Variants in C12orf76 observed in about 807,000 individuals in gnomAD.
C12orf76 encodes uncharacterized protein C12orf76.
In C12orf76, 6 loss-of-function variants were observed where a neutral mutation model predicts 6.8. The observed-to-expected ratio is 0.88, with a 90% CI of 0.48 to 1.73. The LOEUF (loss-of-function observed/expected upper bound fraction) is 1.73. Among genes scored for constraint, C12orf76 ranks in the 40% most tolerant of loss-of-function variants. The pLI is 0.01. For synonymous variants in C12orf76, 56 were observed against 43.7 expected, an observed-to-expected ratio of 1.28 and a Z score of -1.11; for missense variants, 99 against 98.2, an observed-to-expected ratio of 1.01 and a Z score of -0.03.
chr12:110,073,532 G>C, exon 1 of C12orf76: 1 of 518,318 alleles, frequency 1.9e-6, no homozygotes, highest in South Asian at 1.4e-5. Flanking sequence ...TGCAGCTGCA[G>C]CAGGCTGGCA....
chr12:110,070,665 C>G (rs1428653127), upstream of C12orf76, among the ~76,000 whole-genome samples: 1 of 152,130 alleles, frequency 6.6e-6, no homozygotes, highest in Non-Finnish European at 1.5e-5. Flanking sequence ...ACATGTAATC[C>G]CTGTATTAAT....
rs749174511 is a variant in C12orf76, at chr12:110,042,354, T to C, written c.*20A>G. 1.3e-5 allele frequency: 21 copies of C among 1,606,444 alleles called. No homozygotes were observed. Among genetic ancestry groups the C allele is most frequent in the South Asian group, 9.9e-5 (9 of 90,902 alleles). The stretch of plus-strand genomic sequence containing the variant: ...AACTTATCCTATTCCCAAATACTCA[T>C]TGAAGAACTTGTCTGGCTGTCACCG... On this transcript the variant is annotated 3_prime_UTR_variant, in exon 2 of 2. Transcript: ENST00000615315.
At chr12:110,068,329 A>AAGAAGAAGAAGG (rs1157443112), upstream of C12orf76, among the ~76,000 whole-genome samples, 53 of 127,194 alleles carry the variant, frequency 4.2e-4, no homozygotes, top group African/African-American at 1.3e-3. Flanking sequence ...GAAGAAGAAG[A>AAGAAGAAGAAGG]AGGCGGCCAA....
upstream of C12orf76, among the ~76,000 whole-genome samples, chr12:110,051,904 CT>C (rs567991255): frequency 7.7e-3 from 778 of 100,634 alleles, 2 homozygotes; most frequent in African/African-American, 0.014. Context: ...GGCAGCTACT[CT>C]TTTTTTTTTT....
chr12:110,061,591 C>G (rs1186435662), intron 2 of C12orf76, among the ~76,000 whole-genome samples: 1 of 151,162 alleles, frequency 6.6e-6, no homozygotes, highest in Non-Finnish European at 1.5e-5. Flanking sequence ...GGCTGGAGTG[C>G]AGCAGCAAGA....
intron 2 of C12orf76, among the ~76,000 whole-genome samples, chr12:110,063,328 G>A (rs1892806438): frequency 6.6e-6 from 1 of 151,908 alleles, no homozygotes; most frequent in African/African-American, 2.4e-5. Context: ...TCATCACCCA[G>A]GGTGGGGTGC....
intron 4 of C12orf76, chr12:110,056,915 C>T (rs919868407): frequency 2.7e-6 from 1 of 370,780 alleles, no homozygotes; most frequent in Non-Finnish European, 5.0e-6. Flanking sequence ...CATTAAACCT[C>T]TTTTCTTTGT....
chr12:110,042,518 C>T (rs1292566950), intron 1 of C12orf76, 59 bp from the exon 2 acceptor site: 1 of 1,076,268 alleles, frequency 9.3e-7, no homozygotes, highest in Admixed American at 1.7e-5. Context: ...AATTCATCCA[C>T]TCACTGCCAA....
chr12:110,042,970 C>T (rs965279391), intron 1 of C12orf76, among the ~76,000 whole-genome samples: 1 of 152,002 alleles, frequency 6.6e-6, no homozygotes, highest in Non-Finnish European at 1.5e-5. Flanking sequence ...TACTCAGCTA[C>T]TCAGGAGGCT....
Position 110,042,170 on chromosome 12 carries a change from C to G in C12orf76, c.*204G>C, listed in dbSNP as rs1375227839. The G allele has an allele frequency of 3.4e-6, 2 of 582,522 alleles. No individual in the cohort carries two copies. The highest frequency in any genetic ancestry group is 6.2e-6 in the Non-Finnish European group (2 of 324,922). 36.1% of individuals were successfully genotyped at this position (582,522 alleles called of 1,614,324 possible). On this transcript the variant is annotated 3_prime_UTR_variant, in exon 2 of 2. Transcript: ENST00000615315. ...ACAGTCAGAAACACTGAGAAGCGGA[C>G]TCAGGGGCCAATTATTTGCGCTACA...
chr12:110,057,773 T>C (rs985693063), intron 3 of C12orf76, among the ~76,000 whole-genome samples: 3 of 151,878 alleles, frequency 2.0e-5, no homozygotes, highest in African/African-American at 7.3e-5. Context: ...AAATATAAAT[T>C]AAGATCCCAG....
chr12:110,070,900 G>A (rs532069603), upstream of C12orf76, among the ~76,000 whole-genome samples: 3 of 152,172 alleles, frequency 2.0e-5, no homozygotes, highest in Admixed American at 1.3e-4. Flanking sequence ...TCAGCTTACC[G>A]AGTAGCTGGA....
At chr12:110,053,062 G>A (rs1442185302), upstream of C12orf76, among the ~76,000 whole-genome samples, 2 of 151,776 alleles carry the variant, frequency 1.3e-5, no homozygotes, top group Non-Finnish European at 2.9e-5. Flanking sequence ...TTACCTGGGC[G>A]TGGTGACACA....
intron 4 of C12orf76, chr12:110,057,101 C>A: frequency 1.2e-6 from 1 of 864,480 alleles, no homozygotes; most frequent in South Asian, 1.4e-5. Context: ...CTGGACTCAC[C>A]AGATGGAGAC....
upstream of C12orf76, among the ~76,000 whole-genome samples, chr12:110,053,509 C>A (rs111581466): frequency 0.012 from 1,538 of 132,606 alleles, 3 homozygotes; most frequent in African/African-American, 0.018. Context: ...GGGGGGAAAA[C>A]AAAAAAGTTC....
intron 1 of C12orf76, among the ~76,000 whole-genome samples, chr12:110,045,479 G>A (rs1425593129): frequency 2.6e-5 from 4 of 151,974 alleles, no homozygotes; most frequent in East Asian, 1.9e-4. Context: ...CCAGCTACTC[G>A]GGAGGCTGAG....
chr12:110,048,661 G>A, upstream of C12orf76: 1 of 1,272,436 alleles, frequency 7.9e-7, no homozygotes. Flanking sequence ...ATTTGTTCCG[G>A]ATTAACGTTC....
chr12:110,064,215 T>C (rs538159017), intron 2 of C12orf76, among the ~76,000 whole-genome samples: 7 of 152,350 alleles, frequency 4.6e-5, no homozygotes, highest in Non-Finnish European at 7.4e-5. Flanking sequence ...ATTTGAATTC[T>C]GCTCATACCC....
intron 3 of C12orf76, among the ~76,000 whole-genome samples, chr12:110,058,011 C>A (rs536706692): frequency 2.8e-5 from 4 of 143,574 alleles, no homozygotes; most frequent in Non-Finnish European, 6.0e-5. Context: ...TTGCAGTGAG[C>A]CAAGATCACG....
Sources: gnomAD v4.1 joint callset for allele counts (sites outside exome capture counted in the v4.1 genomes callset) on GRCh38, gnomAD v4.1.1 for gene constraint, MANE v1.5 for transcripts, NCBI Gene and HGNC (gene_info 2026-07-23, HGNC 2026-07-21) for gene names.